STIM1: variants seen among roughly 807,000 people sequenced by gnomAD.
The protein encoded by STIM1 is stromal interaction molecule 1.
In STIM1, 25 loss-of-function variants were observed where a neutral mutation model predicts 74.7. The ratio of observed to expected loss-of-function variants is 0.33; its 90% CI spans 0.24 to 0.47. STIM1 has a LOEUF of 0.47. Ranked by LOEUF, STIM1 falls within the 20% of genes least tolerant of loss-of-function variation. The pLI is 1.00. For missense variants in STIM1, 728 were observed against 920.8 expected, an observed-to-expected ratio of 0.79 and a Z score of 2.71; for synonymous variants, 328 against 348.8, an observed-to-expected ratio of 0.94 and a Z score of 0.66.
At chr11:4,053,295 A>G (rs2094258845) in intron 3 of STIM1, among the ~76,000 whole-genome samples, 2 of 152,222 alleles carry the variant, frequency 1.3e-5, no homozygotes, top group Non-Finnish European at 2.9e-5. Flanking sequence ...TGTTTATTGC[A>G]GCACTATTCA....
intron 1 of STIM1, among the ~76,000 whole-genome samples, chr11:3,913,168 A>C (rs1294679995): frequency 1.3e-5 from 2 of 152,050 alleles, no homozygotes; most frequent in African/African-American, 2.4e-5. Context: ...TGAGGCATCA[A>C]ATTGCTGCAG....
At chr11:3,998,147 A>G (rs144444600) in intron 2 of STIM1, among the ~76,000 whole-genome samples, 242 of 152,212 alleles carry the variant, frequency 1.6e-3, no homozygotes, top group African/African-American at 5.4e-3. Context: ...GCACTATTCT[A>G]AGGTATTTAG....
chr11:4,082,917 T>G lies in STIM1; in HGVS notation c.1173T>G (p.Phe391Leu). 6.2e-7 allele frequency: 1 copy of G among 1,614,184 alleles called. No individual in the cohort carries two copies. The highest frequency in any genetic ancestry group is 8.5e-7 in the Non-Finnish European group (1 of 1,180,032). Residue 391 changes from phenylalanine to leucine, a missense_variant, in exon 9 of 13, where the codon TTT (phenylalanine) becomes TTG (leucine). By Grantham distance (22) the Phe-to-Leu change is conservative. Coordinates refer to ENST00000526596, the MANE Select transcript of STIM1 (RefSeq NM_001382567.1). ...EKIKKKRNTL[F>L]GTFHVAHSSS... ...TAAAAAAGAAGAGAAACACACTCTT[T>G]GGCACCTTCCACGTGGCCCACAGCT... is the stretch of plus-strand genomic sequence containing the variant.
chr11:4,011,404 C>T (rs1590645923), intron 2 of STIM1, among the ~76,000 whole-genome samples: 1 of 152,182 alleles, frequency 6.6e-6, no homozygotes, highest in East Asian at 1.9e-4. Flanking sequence ...TTTTAATGAT[C>T]TCCATTCTAA....
intron 2 of STIM1, among the ~76,000 whole-genome samples, chr11:4,009,083 A>T (rs558352647): frequency 1.1e-4 from 16 of 143,964 alleles, no homozygotes; most frequent in Admixed American, 7.7e-4. Context: ...CGAGGTCAGG[A>T]GATCGAGACC....
Position 3,922,264 on chromosome 11 carries a change from G to C in STIM1, c.140-45288G>C, listed in dbSNP as rs537593319. On this transcript the variant is annotated intron_variant, in intron 1 of 12. Coordinates refer to ENST00000526596, the MANE Select transcript of STIM1 (RefSeq NM_001382567.1). ...TTGTGGTTTAATTTGTTTTTCCCCAGTGACTAATGTATAGAGCATCTTTTG... is the reference window on the plus strand; with the variant it reads ...TTGTGGTTTAATTTGTTTTTCCCCACTGACTAATGTATAGAGCATCTTTTG... Among the ~76,000 whole-genome samples the C allele has an allele frequency of 5.3e-5, 8 of 152,056 alleles. No homozygotes were observed. In the South Asian group the frequency reaches 1.2e-3, roughly 24 times the overall value.
chr11:3,937,615 G>T (rs1333303576), intron 1 of STIM1, among the ~76,000 whole-genome samples: 1 of 152,150 alleles, frequency 6.6e-6, no homozygotes, highest in East Asian at 1.9e-4. Flanking sequence ...AGTCACAGTG[G>T]TTCATTGAGG....
chr11:3,857,838 A>G (rs2090444756), intron 1 of STIM1, among the ~76,000 whole-genome samples: 2 of 152,200 alleles, frequency 1.3e-5, no homozygotes, highest in Non-Finnish European at 2.9e-5. Context: ...CAGATGTTCC[A>G]AGAGGTCTGG....
At chr11:4,003,933 T>C (rs570222919) in intron 2 of STIM1, among the ~76,000 whole-genome samples, 2 of 152,120 alleles carry the variant, frequency 1.3e-5, no homozygotes, top group Non-Finnish European at 2.9e-5. Flanking sequence ...ACAAGCATTC[T>C]TATACACCAA....
chr11:3,957,401 C>T lies in STIM1; in HGVS notation c.140-10151C>T, dbSNP rs568684244. Among the ~76,000 whole-genome samples, 7 of 151,996 alleles carry T rather than the reference C, an allele frequency of 4.6e-5. No individual in the cohort carries two copies. The East Asian group carries it at 1.4e-3, about 29-fold the overall frequency. ...CCTCCTGAGTAGTTGGGATTACAGGCGCCCGCCACCACGCCCGGCTAATTT... is the reference window on the plus strand; with the variant it reads ...CCTCCTGAGTAGTTGGGATTACAGGTGCCCGCCACCACGCCCGGCTAATTT... On this transcript the variant is annotated intron_variant, in intron 1 of 12. Transcript: ENST00000526596.
At chr11:3,927,315 C>T (rs1055485490) in intron 1 of STIM1, among the ~76,000 whole-genome samples, 2 of 152,106 alleles carry the variant, frequency 1.3e-5, no homozygotes, top group African/African-American at 4.8e-5. Context: ...TTGTTAATGA[C>T]CTGTACATTT....
intron 2 of STIM1, among the ~76,000 whole-genome samples, chr11:4,021,656 G>A (rs960178748): frequency 6.6e-6 from 1 of 152,080 alleles, no homozygotes; most frequent in Non-Finnish European, 1.5e-5. Flanking sequence ...GATGGCTTTG[G>A]CTATTCAGGT....
At position 4,092,134 on chromosome 11, in the gene STIM1, G is replaced by C; in HGVS notation, c.*336G>C. 7.7e-6 allele frequency: 3 copies of C among 387,314 alleles called. No homozygotes were observed. Among genetic ancestry groups the C allele is most frequent in the Non-Finnish European group, 1.5e-5 (3 of 205,614 alleles). The allele number at this position is 387,314 out of a possible 1,614,324, so 24.0% of individuals were successfully genotyped here. ...CTGTCTCTGCTGTCCCAGTTTTGAG[G>C]TTTGGTTTCTTGTTTCTGTCTCTTG... On this transcript the variant is annotated 3_prime_UTR_variant, in exon 13 of 13. Coordinates refer to ENST00000526596, the MANE Select transcript of STIM1 (RefSeq NM_001382567.1).
At chr11:3,905,453 G>A (rs962209695) in intron 1 of STIM1, among the ~76,000 whole-genome samples, 11 of 151,872 alleles carry the variant, frequency 7.2e-5, no homozygotes, top group African/African-American at 2.7e-4. Flanking sequence ...GAGAAATGTA[G>A]CCAGTGAAGG....
At chr11:3,955,432 G>A (rs979752633) in intron 1 of STIM1, among the ~76,000 whole-genome samples, 33 of 152,062 alleles carry the variant, frequency 2.2e-4, no homozygotes, top group African/African-American at 7.0e-4. Flanking sequence ...GGTAAAACTC[G>A]TCTATGATGA....
chr11:3,909,523 G>T (rs2092524978), intron 1 of STIM1, among the ~76,000 whole-genome samples: 1 of 151,980 alleles, frequency 6.6e-6, no homozygotes. Context: ...GTAGGAGGTG[G>T]AAAAAAAGTC....
At chr11:3,875,590 G>A (rs2091281602) in intron 1 of STIM1, among the ~76,000 whole-genome samples, 1 of 151,796 alleles carries the variant, frequency 6.6e-6, no homozygotes, top group Non-Finnish European at 1.5e-5. Flanking sequence ...AGCCAGGAGT[G>A]GTAGTGTGTG....
chr11:3,855,546 A>G (rs1426063456), upstream of STIM1: 1 of 147,824 alleles, frequency 6.8e-6, no homozygotes, highest in Non-Finnish European at 1.5e-5. Context: ...TTATTCCGGG[A>G]TCCAGCTGGG....
intron 3 of STIM1, among the ~76,000 whole-genome samples, chr11:4,050,859 GAA>G (rs1293506310): frequency 1.3e-5 from 2 of 152,148 alleles, no homozygotes; most frequent in Non-Finnish European, 2.9e-5. Flanking sequence ...TAAAGTAAGA[GAA>G]GAGGAAATGT....
Sources: gnomAD v4.1 joint callset for allele counts (sites outside exome capture counted in the v4.1 genomes callset) on GRCh38, gnomAD v4.1.1 for gene constraint, MANE v1.5 for transcripts, NCBI Gene and HGNC (gene_info 2026-07-23, HGNC 2026-07-21) for gene names.